The following NRXN3 variants were observed in gnomAD, a reference collection of about 807,000 sequenced individuals.
NRXN3 encodes the protein neurexin 3.
A neutral mutation model predicts 137.6 loss-of-function variants in NRXN3; 32 were observed. The observed-to-expected ratio is 0.23, with a 90% CI of 0.18 to 0.31. The LOEUF is 0.31. NRXN3 is among the 10% of genes least tolerant of loss of function. NRXN3 has a pLI of 1.00. For synonymous variants in NRXN3, 798 were observed against 784.5 expected (o/e 1.02, Z -0.29); for missense variants, 1,574 against 2,062.5 (o/e 0.76, Z 4.59).
chr14:78,301,452 G>T (rs774823296), intron 4 of NRXN3, among the ~76,000 whole-genome samples: 2 of 152,186 alleles, frequency 1.3e-5, no homozygotes, highest in Non-Finnish European at 2.9e-5. Flanking sequence ...TTTGGGTAAC[G>T]CATCCATTTC....
chr14:79,687,336 G>GT (rs1230827030), intron 17 of NRXN3, among the ~76,000 whole-genome samples: 1 of 152,126 alleles, frequency 6.6e-6, no homozygotes, highest in Non-Finnish European at 1.5e-5. Flanking sequence ...CTCAAGCCAA[G>GT]TTCAGAGTTT....
At chr14:79,857,593 G>A (rs2099405546) in intron 20 of NRXN3, among the ~76,000 whole-genome samples, 1 of 35,582 alleles carries the variant, frequency 2.8e-5, no homozygotes. Flanking sequence ...AATGATGTGT[G>A]CCTTTGATCC....
chr14:78,672,514 G>T (rs980233194), intron 6 of NRXN3, among the ~76,000 whole-genome samples: 1 of 152,174 alleles, frequency 6.6e-6, no homozygotes, highest in South Asian at 2.1e-4. Flanking sequence ...CCCTATTAAT[G>T]ATGCTAATGA....
At chr14:79,393,611 G>A (rs1461667429) in intron 15 of NRXN3, among the ~76,000 whole-genome samples, 1 of 152,072 alleles carries the variant, frequency 6.6e-6, no homozygotes, top group South Asian at 2.1e-4. Flanking sequence ...TCAGAAGATC[G>A]AGACCATCCT....
At chr14:79,143,618 A>G (rs990464254) in intron 15 of NRXN3, among the ~76,000 whole-genome samples, 5 of 152,216 alleles carry the variant, frequency 3.3e-5, no homozygotes, top group Admixed American at 6.5e-5. Flanking sequence ...ACTTTTGTCT[A>G]TACTGCAGAA....
chr14:78,180,102 C>T (rs1480126299), intron 1 of NRXN3, among the ~76,000 whole-genome samples: 5 of 152,126 alleles, frequency 3.3e-5, no homozygotes, highest in Non-Finnish European at 5.9e-5. Context: ...CCTACCTCGG[C>T]CTCCCAAAGT....
At chr14:78,389,056 C>CTTTTTT (rs5809885) in intron 4 of NRXN3, among the ~76,000 whole-genome samples, 2 of 135,610 alleles carry the variant, frequency 1.5e-5, no homozygotes, top group African/African-American at 2.8e-5. Flanking sequence ...GTTTAAGTTT[C>CTTTTTT]TTTTTTTTTT....
At chr14:78,446,064 G>A (rs1313879776) in intron 4 of NRXN3, among the ~76,000 whole-genome samples, 1 of 152,174 alleles carries the variant, frequency 6.6e-6, no homozygotes, top group Non-Finnish European at 1.5e-5. Flanking sequence ...GGCACAGCAA[G>A]CTTGACAGTG....
At chr14:78,516,140 T>C in intron 4 of NRXN3, among the ~76,000 whole-genome samples, 1 of 152,040 alleles carries the variant, frequency 6.6e-6, no homozygotes, top group Admixed American at 6.6e-5. Context: ...TCATGTCATG[T>C]TCACCAACAG....
At chr14:79,178,867 C>A (rs11851562) in intron 15 of NRXN3, among the ~76,000 whole-genome samples, 3,078 of 152,282 alleles carry the variant, frequency 0.02, 90 homozygotes, top group African/African-American at 0.069. Flanking sequence ...CAGCAGCTTT[C>A]TACCAAATCA....
intron 10 of NRXN3, among the ~76,000 whole-genome samples, chr14:78,917,123 A>G (rs896899602): frequency 2.0e-5 from 3 of 152,220 alleles, no homozygotes; most frequent in African/African-American, 7.2e-5. Flanking sequence ...TTCAGCCCAC[A>G]ACACCTCATT....
At chr14:78,468,234 G>A (rs186534383) in intron 4 of NRXN3, among the ~76,000 whole-genome samples, 19 of 152,252 alleles carry the variant, frequency 1.2e-4, no homozygotes, top group Admixed American at 3.9e-4. Flanking sequence ...CCAAAATTCC[G>A]TAGTTTAAAT....
At chr14:79,396,613 A>G (rs933905581) in intron 15 of NRXN3, among the ~76,000 whole-genome samples, 1 of 152,168 alleles carries the variant, frequency 6.6e-6, no homozygotes, top group African/African-American at 2.4e-5. Flanking sequence ...GACAACAGAC[A>G]GGTAAGACAG....
chr14:78,681,417 C>T (rs993918839), intron 6 of NRXN3, among the ~76,000 whole-genome samples: 21 of 152,282 alleles, frequency 1.4e-4, no homozygotes, highest in African/African-American at 3.6e-4. Context: ...AAGTAGGAAT[C>T]GGGATTGGGA....
chr14:78,391,388 G>A (rs1417168456), intron 4 of NRXN3, among the ~76,000 whole-genome samples: 2 of 152,120 alleles, frequency 1.3e-5, no homozygotes, highest in Non-Finnish European at 2.9e-5. Flanking sequence ...GGCAGGTGTG[G>A]CTATGTGCTC....
At chr14:79,095,117 A>G (rs1048517117) in intron 15 of NRXN3, among the ~76,000 whole-genome samples, 1 of 152,032 alleles carries the variant, frequency 6.6e-6, no homozygotes, top group Admixed American at 6.6e-5. Flanking sequence ...TCTGACTGGC[A>G]TGCATTATGC....
chr14:79,287,310 AT>A (rs2082428076), intron 15 of NRXN3, among the ~76,000 whole-genome samples: 1 of 152,178 alleles, frequency 6.6e-6, no homozygotes, highest in Non-Finnish European at 1.5e-5. Context: ...TGCCAGGCAA[AT>A]TTTAGCATGG....
At position 78,709,394 on chromosome 14, in the gene NRXN3, C is replaced by T. The variant is rs777755848; in HGVS notation, c.1399C>T (p.Arg467Cys). ...YISLPKWNTK[R>C]MGSISFDFRT... ...CAGCTTGCCCAAGTGGAACACTAAA[C>T]GTATGGGCTCCATCTCCTTTGACTT... Residue 467 changes from arginine to cysteine, a missense_variant, in exon 7 of 21, where the codon CGT (arginine) becomes TGT (cysteine). By Grantham distance (180) the Arg-to-Cys change is radical. Transcript: ENST00000335750. 8 of 1,614,150 alleles carry T rather than the reference C, an allele frequency of 5.0e-6. No individual in the cohort carries two copies. The highest frequency in any genetic ancestry group is 2.2e-5 in the East Asian group (1 of 44,878).
At chr14:79,618,977 T>A (rs73327939) in intron 16 of NRXN3, among the ~76,000 whole-genome samples, 3,977 of 152,256 alleles carry the variant, frequency 0.026, 147 homozygotes, top group African/African-American at 0.09. Context: ...CACTTTTTCA[T>A]GTAATTGTTG....
Sources: allele counts gnomAD v4.1 joint callset (sites outside exome capture counted in the v4.1 genomes callset), GRCh38; gene constraint gnomAD v4.1.1; transcripts MANE v1.5; gene names NCBI Gene and HGNC (gene_info 2026-07-23, HGNC 2026-07-21).